FAM184B: variants seen among roughly 807,000 people sequenced by gnomAD.
FAM184B encodes protein FAM184B.
In FAM184B, 111 loss-of-function variants were observed where a neutral mutation model predicts 135.9. The observed-to-expected ratio is 0.82, with a 90% CI of 0.70 to 0.96. The LOEUF is 0.96. Among genes scored for constraint, FAM184B ranks in the 40% least tolerant of loss-of-function variants. The pLI, the probability that FAM184B is intolerant of heterozygous loss-of-function variation, is 0.00. For missense variants in FAM184B, 1,375 were observed against 1,323.9 expected, an observed-to-expected ratio of 1.04 and a Z score of -0.60; for synonymous variants, 552 against 524.8, an observed-to-expected ratio of 1.05 and a Z score of -0.71.
chr4:17,766,646 T>A (rs1718699440), intron 1 of FAM184B, among the ~76,000 whole-genome samples: 1 of 152,180 alleles, frequency 6.6e-6, no homozygotes, highest in East Asian at 1.9e-4. Flanking sequence ...TTACAAACCT[T>A]GAGCTAGACA....
chr4:17,635,539 C>T (rs576832043), intron 15 of FAM184B, among the ~76,000 whole-genome samples: 2 of 151,868 alleles, frequency 1.3e-5, no homozygotes. Flanking sequence ...CCTATAATAA[C>T]TATATGGCCG....
chr4:17,698,142 G>T (rs1334231936), intron 5 of FAM184B, among the ~76,000 whole-genome samples: 1 of 151,912 alleles, frequency 6.6e-6, no homozygotes, highest in Non-Finnish European at 1.5e-5. Flanking sequence ...GGAGACTAAT[G>T]CTCTCAGATA....
chr4:17,636,743 G>C (rs1203559904), intron 14 of FAM184B, 98 bp from the exon 15 acceptor site: 5 of 1,065,326 alleles, frequency 4.7e-6, no homozygotes, highest in Non-Finnish European at 5.3e-6. Flanking sequence ...CCTGTGTTCA[G>C]CCCGGCCAGG....
intron 10 of FAM184B, among the ~76,000 whole-genome samples, chr4:17,653,849 A>G (rs999485475): frequency 2.8e-5 from 3 of 109,012 alleles, no homozygotes; most frequent in African/African-American, 4.8e-5. Context: ...CCTCAATCAC[A>G]AGGGTCCTTA....
chr4:17,764,891 C>A (rs1215589942), intron 1 of FAM184B, among the ~76,000 whole-genome samples: 1 of 151,470 alleles, frequency 6.6e-6, no homozygotes, highest in Non-Finnish European at 1.5e-5. Flanking sequence ...ATAGCAAGAG[C>A]TTGTCTCTAC....
intron 5 of FAM184B, among the ~76,000 whole-genome samples, chr4:17,693,890 T>C (rs984162672): frequency 1.3e-5 from 2 of 151,990 alleles, no homozygotes; most frequent in Non-Finnish European, 2.9e-5. Flanking sequence ...GGCAAGTGGA[T>C]TGCTTGAGTC....
chr4:17,707,034 T>A (rs1717136070), intron 3 of FAM184B, among the ~76,000 whole-genome samples: 1 of 152,128 alleles, frequency 6.6e-6, no homozygotes, highest in Non-Finnish European at 1.5e-5. Context: ...GTTATCCACC[T>A]GCCTTGGCCT....
intron 1 of FAM184B, among the ~76,000 whole-genome samples, chr4:17,762,352 A>C (rs547155775): frequency 2.5e-4 from 38 of 152,320 alleles, no homozygotes; most frequent in African/African-American, 8.4e-4. Flanking sequence ...ACTTACAATA[A>C]GACACACATA....
In FAM184B at chr4:17,651,058, C is replaced by T. The variant is rs150581191; in HGVS notation, c.2191+1772G>A. ...GCACCCAGAAATCTCTTAAGGAGAGCCCTGTCTAGGTTTGGAAGAAATACT... is the reference window on the plus strand; with the variant it reads ...GCACCCAGAAATCTCTTAAGGAGAGTCCTGTCTAGGTTTGGAAGAAATACT... On this transcript the variant is annotated intron_variant, in intron 11 of 17. Transcript: ENST00000265018. Among the ~76,000 whole-genome samples, 290 of 152,196 alleles carry T rather than the reference C, an allele frequency of 1.9e-3. 1 individual carries two copies. Among genetic ancestry groups the T allele is most frequent in the South Asian group, 3.3e-3 (16 of 4,820 alleles).
intron 1 of FAM184B, among the ~76,000 whole-genome samples, chr4:17,726,624 G>A (rs566149287): frequency 7.4e-4 from 113 of 152,180 alleles, no homozygotes; most frequent in South Asian, 1.9e-3. Context: ...CACCCATCTC[G>A]GCCTCCCAAA....
At position 17,636,913 on chromosome 4, in the gene FAM184B, A is replaced by C. The variant is rs183505580; in HGVS notation, c.2667-268T>G. On this transcript the variant is annotated intron_variant, in intron 14 of 17. Coordinates refer to ENST00000265018, the MANE Select transcript of FAM184B (RefSeq NM_015688.2). ...TGCACTCAGCGGGGCTTCAAGAGCC[A>C]GGGATGCTGCTGGGAGAACAGACCA... Among the ~76,000 whole-genome samples the C allele has an allele frequency of 1.7e-3, 256 of 152,352 alleles. 1 individual carries two copies. The highest frequency in any genetic ancestry group is 2.8e-3 in the Non-Finnish European group (190 of 68,024).
chr4:17,749,109 C>T (rs1030998887), intron 1 of FAM184B, among the ~76,000 whole-genome samples: 1 of 150,836 alleles, frequency 6.6e-6, no homozygotes, highest in East Asian at 2.0e-4. Flanking sequence ...GCTGGGATTA[C>T]AGGCAGAGCC....
chr4:17,695,847 T>G (rs1716846121), intron 5 of FAM184B, among the ~76,000 whole-genome samples: 1 of 152,044 alleles, frequency 6.6e-6, no homozygotes, highest in African/African-American at 2.4e-5. Context: ...TGGGTTGGAG[T>G]ATGCATTTGA....
chr4:17,644,077 CA>C (rs1012233013), intron 12 of FAM184B, among the ~76,000 whole-genome samples: 8 of 152,168 alleles, frequency 5.3e-5, no homozygotes, highest in African/African-American at 1.7e-4. Context: ...GGAGGAGTGG[CA>C]CAGGCGAAGG....
At chr4:17,745,081 C>A (rs1718131413) in intron 1 of FAM184B, among the ~76,000 whole-genome samples, 1 of 152,234 alleles carries the variant, frequency 6.6e-6, no homozygotes. Flanking sequence ...CTTCTCTAAC[C>A]TTCAGGGGGC....
intron 1 of FAM184B, among the ~76,000 whole-genome samples, chr4:17,728,269 C>T (rs902923838): frequency 6.6e-6 from 1 of 152,096 alleles, no homozygotes; most frequent in South Asian, 2.1e-4. Context: ...TACCTGTAGT[C>T]CCAGCTACTC....
Position 17,707,684 on chromosome 4 carries a change from A to G in FAM184B, c.995T>C (p.Met332Thr), listed in dbSNP as rs922538040. The change falls in exon 3 of 18, where the codon ATG becomes ACG. Residue 332 changes from methionine (M) to threonine (T), a missense_variant. Physicochemically the swap from Met to Thr is moderately conservative, Grantham distance 81 (BLOSUM62 -1). Transcript: ENST00000265018. ...TGTCCCACGACACTCCTGCAGCATC[A>G]TTCTGTCTTTGGCAACAGCCAGCTT... ...GEKLAVAKDR[M>T]MLQECRGTQQ... 81 of 1,551,650 alleles carry G rather than the reference A, an allele frequency of 5.2e-5. No homozygotes were observed. The highest frequency in any genetic ancestry group is 6.7e-5 in the Non-Finnish European group (77 of 1,147,030).
At chr4:17,703,776 C>A (rs920075725) in intron 5 of FAM184B, among the ~76,000 whole-genome samples, 1 of 151,748 alleles carries the variant, frequency 6.6e-6, no homozygotes, top group African/African-American at 2.4e-5. Context: ...ACTAAAAATA[C>A]AAAAATTAGC....
At chr4:17,676,114 C>A (rs986188762) in intron 7 of FAM184B, among the ~76,000 whole-genome samples, 2 of 152,198 alleles carry the variant, frequency 1.3e-5, no homozygotes, top group African/African-American at 4.8e-5. Flanking sequence ...TTCCTTGCTA[C>A]GCTTAATCAT....
Sources: allele counts gnomAD v4.1 joint callset (sites outside exome capture counted in the v4.1 genomes callset), GRCh38; gene constraint gnomAD v4.1.1; transcripts MANE v1.5; gene names NCBI Gene and HGNC (gene_info 2026-07-23, HGNC 2026-07-21).